Variants in ZFHX3 observed in about 807,000 individuals in gnomAD.
ZFHX3 encodes zinc finger homeobox 3, also known as zinc finger homeobox protein 3.
ZFHX3 carries 42 observed loss-of-function variants against 279.1 expected under a neutral mutation model. The ratio of observed to expected loss-of-function variants is 0.15; its 90% CI spans 0.12 to 0.19. The LOEUF (loss-of-function observed/expected upper bound fraction) is 0.19. Among genes scored for constraint, ZFHX3 ranks in the 10% least tolerant of loss-of-function variants. ZFHX3 has a pLI of 1.00. For missense variants in ZFHX3, 4,981 were observed against 4,754.0 expected, an observed-to-expected ratio of 1.05 and a Z score of -1.40; for synonymous variants, 2,293 against 1,957.8, an observed-to-expected ratio of 1.17 and a Z score of -4.52.
chr16:73,766,299 T>G (rs932883637), intron 1 of ZFHX3, among the ~76,000 whole-genome samples: 3 of 152,252 alleles, frequency 2.0e-5, no homozygotes, highest in African/African-American at 7.2e-5. Flanking sequence ...ATCACAATTT[T>G]AAGATATTTT....
At chr16:72,899,750 G>A (rs1334341020) in intron 3 of ZFHX3, among the ~76,000 whole-genome samples, 1 of 152,110 alleles carries the variant, frequency 6.6e-6, no homozygotes, top group Non-Finnish European at 1.5e-5. Context: ...GACAATAACA[G>A]AGCCTCATTT....
At chr16:73,684,850 A>G (rs1044861121) in intron 1 of ZFHX3, among the ~76,000 whole-genome samples, 1 of 151,604 alleles carries the variant, frequency 6.6e-6, no homozygotes, top group Non-Finnish European at 1.5e-5. Flanking sequence ...ACAGGCACGC[A>G]CCACCACACC....
chr16:73,857,347 G>A (rs1354557105), intron 1 of ZFHX3, among the ~76,000 whole-genome samples: 1 of 152,162 alleles, frequency 6.6e-6, no homozygotes, highest in Non-Finnish European at 1.5e-5. Context: ...GCATCTAAAT[G>A]CACTTTTCCC....
intron 3 of ZFHX3, among the ~76,000 whole-genome samples, chr16:73,339,728 G>A (rs115183247): frequency 0.02 from 3,031 of 152,124 alleles, 108 homozygotes; most frequent in African/African-American, 0.068. Context: ...ATGTTCTCCT[G>A]GTCATTTCCA....
chr16:73,103,850 A>G (rs1362001976), intron 7 of ZFHX3, among the ~76,000 whole-genome samples: 1 of 152,128 alleles, frequency 6.6e-6, no homozygotes, highest in African/African-American at 2.4e-5. Context: ...ATCTTCCTAG[A>G]TCTTCAGATA....
chr16:73,294,834 A>G lies in ZFHX3; in HGVS notation c.-1194+23406T>C, dbSNP rs867947237. On this transcript the variant is annotated intron_variant, in intron 4 of 17. Coordinates refer to the ZFHX3 transcript ENST00000641206. ...CTCAAAAAAAAAAAAACCAAAAAAC[A>G]AAACAGAAGAGCTCATATTGGCCAT... 1.2e-4 allele frequency among the ~76,000 whole-genome samples: 18 copies of G among 151,592 alleles called. 1 individual carries two copies. Among genetic ancestry groups the G allele is most frequent in the Non-Finnish European group, 1.5e-4 (10 of 67,876 alleles).
chr16:73,457,490 C>A (rs1341468001), intron 2 of ZFHX3, among the ~76,000 whole-genome samples: 2 of 152,258 alleles, frequency 1.3e-5, no homozygotes, highest in Admixed American at 1.3e-4. Context: ...ACGAGGGAGT[C>A]GGCCGGGCAC....
chr16:73,585,246 T>C (rs753281295), intron 2 of ZFHX3, among the ~76,000 whole-genome samples: 4 of 152,168 alleles, frequency 2.6e-5, no homozygotes, highest in African/African-American at 7.2e-5. Context: ...TGAAACCCCA[T>C]CTCAACTAAA....
chr16:73,884,697 G>A (rs2030290147), intron 1 of ZFHX3, among the ~76,000 whole-genome samples: 1 of 152,082 alleles, frequency 6.6e-6, no homozygotes, highest in South Asian at 2.1e-4. Flanking sequence ...TATTTAAACT[G>A]TAATAAATAG....
At chr16:73,676,858 G>A (rs1217955219) in intron 2 of ZFHX3, among the ~76,000 whole-genome samples, 4 of 151,938 alleles carry the variant, frequency 2.6e-5, no homozygotes, top group Non-Finnish European at 5.9e-5. Flanking sequence ...AACACAAGAA[G>A]TGGGCAAAGA....
chr16:73,111,329 A>G (rs1164333412), intron 7 of ZFHX3, among the ~76,000 whole-genome samples: 1 of 152,224 alleles, frequency 6.6e-6, no homozygotes. Flanking sequence ...GAAATTAAAA[A>G]TAAATAAACA....
intron 3 of ZFHX3, among the ~76,000 whole-genome samples, chr16:72,909,663 G>C (rs1443734810): frequency 6.6e-6 from 1 of 152,048 alleles, no homozygotes; most frequent in East Asian, 1.9e-4. Context: ...GATCGCTTGA[G>C]CTCAGGAGTT....
intron 2 of ZFHX3, among the ~76,000 whole-genome samples, chr16:73,477,400 A>T (rs79720037): frequency 0.015 from 2,265 of 152,308 alleles, 53 homozygotes; most frequent in African/African-American, 0.052. Context: ...GATGGCTGCC[A>T]AAAGGGATTA....
At chr16:73,361,374 C>T (rs542647877) in intron 3 of ZFHX3, among the ~76,000 whole-genome samples, 10 of 152,378 alleles carry the variant, frequency 6.6e-5, no homozygotes, top group Non-Finnish European at 1.2e-4. Flanking sequence ...GATGCTTTGG[C>T]TTGAGCGATG....
intron 3 of ZFHX3, among the ~76,000 whole-genome samples, chr16:73,440,015 A>G (rs1295487083): frequency 1.3e-5 from 2 of 151,596 alleles, no homozygotes; most frequent in African/African-American, 4.9e-5. Context: ...AGGAACACGC[A>G]TGGCTGTTAG....
chr16:73,667,490 T>A (rs866225931), intron 2 of ZFHX3, among the ~76,000 whole-genome samples: 5 of 152,236 alleles, frequency 3.3e-5, no homozygotes, highest in African/African-American at 1.2e-4. Context: ...TTTTAAGAAC[T>A]ACTAAACTGT....
At chr16:72,867,502 G>A (rs1044538219) in intron 4 of ZFHX3, among the ~76,000 whole-genome samples, 1 of 152,296 alleles carries the variant, frequency 6.6e-6, no homozygotes, top group East Asian at 1.9e-4. Context: ...ATCTAAGACT[G>A]TAAGAAGCAA....
intron 1 of ZFHX3, among the ~76,000 whole-genome samples, chr16:73,749,617 A>G (rs1398679757): frequency 6.6e-6 from 1 of 152,190 alleles, no homozygotes; most frequent in East Asian, 1.9e-4. Flanking sequence ...AAAATAAAGC[A>G]CCAGGTAACC....
intron 4 of ZFHX3, among the ~76,000 whole-genome samples, chr16:73,263,042 C>T (rs1443412248): frequency 6.6e-6 from 1 of 152,144 alleles, no homozygotes; most frequent in Non-Finnish European, 1.5e-5. Flanking sequence ...CCAGCCATCC[C>T]AGCCACCCCA....
Sources: gnomAD v4.1 joint callset for allele counts (sites outside exome capture counted in the v4.1 genomes callset) on GRCh38, gnomAD v4.1.1 for gene constraint, MANE v1.5 for transcripts, NCBI Gene and HGNC (gene_info 2026-07-23, HGNC 2026-07-21) for gene names.